The following MMP21 variants were observed in gnomAD, a reference collection of about 807,000 sequenced individuals.
MMP21 encodes the protein matrix metalloproteinase-21.
MMP21 carries 40 observed loss-of-function variants against 47.8 expected under a neutral mutation model. The ratio of observed to expected loss-of-function variants is 0.84; its 90% CI spans 0.65 to 1.09. The LOEUF is 1.09. Among genes scored for constraint, MMP21 ranks in the 50% least tolerant of loss-of-function variants. The probability of loss-of-function intolerance (pLI) is 0.00; values close to 1 mark genes in which losing one functional copy is unlikely to be tolerated. For synonymous variants in MMP21, 341 were observed against 318.0 expected (o/e 1.07, Z -0.77); for missense variants, 747 against 775.3 (o/e 0.96, Z 0.43).
rs564984415 is a variant in MMP21, at chr10:125,770,397, G to T, written c.1174C>A (p.His392Asn). ...ATGTGAACAAAGGCATCTATGTTGT[G>T]TGTTGGGATTCCAGGCCAGCCAGTG... ...ILTGWPGIPT[H>N]NIDAFVHIWT... Residue 392 changes from histidine to asparagine, a missense_variant, in exon 5 of 7, where the codon CAC (histidine) becomes AAC (asparagine). Transcript: ENST00000368808. 1 of 1,614,200 alleles carries T rather than the reference G, an allele frequency of 6.2e-7. No homozygotes were observed. Among genetic ancestry groups the T allele is most frequent in the Middle Eastern group, 1.6e-4 (1 of 6,062 alleles).
chr10:125,769,487 G>C (rs565992587), intron 5 of MMP21, among the ~76,000 whole-genome samples: 1 of 152,304 alleles, frequency 6.6e-6, no homozygotes, highest in East Asian at 1.9e-4. Context: ...TCACAGCTCT[G>C]TGGCTTTTTC....
Position 125,770,515 on chromosome 10 carries a change from C to G in MMP21, c.1056G>C (p.Val352=). Residue 352 remains valine (V), a synonymous_variant, in exon 5 of 7, where the codon GTG becomes GTC. Transcript: ENST00000368808. ...TACGGAAGAAATATGTGCTAAATCT[C>G]ACCATCACCTCTCCATATTGGTTTC... The part of the protein sequence containing the change: ...KERNQYGEVM[V]RFSTYFFRNS... The G allele has an allele frequency of 6.2e-7, 1 of 1,614,118 alleles. No individual in the cohort carries two copies. Among genetic ancestry groups the G allele is most frequent in the East Asian group, 2.2e-5 (1 of 44,872 alleles).
At position 125,766,671 on chromosome 10, in the gene MMP21, C is replaced by A; in HGVS notation, c.1701G>T (p.Leu567=). The stretch of plus-strand genomic sequence containing the variant: ...TTCCTACTTTTTCTTATTACATGTT[C>A]AGTGTGGAGATATGGACGTCACAAA... ...FDVCDVHIST[L]NM Residue 567 remains leucine (L), a synonymous_variant, in exon 7 of 7, where the codon CTG becomes CTT. Transcript: ENST00000368808. 6.3e-7 allele frequency: 1 copy of A among 1,599,942 alleles called. No individual in the cohort carries two copies. Among genetic ancestry groups the A allele is most frequent in the South Asian group, 1.1e-5 (1 of 88,032 alleles).
Position 125,767,552 on chromosome 10 carries a change from A to G in MMP21, c.1390T>C (p.Tyr464His), listed in dbSNP as rs774314631. The stretch of plus-strand genomic sequence containing the variant: ...CTTACAAGGGACTCCTTGAAGAAGT[A>G]AATTAACTTCTGTCTTCGGTCATAA... ...AFYDRRQKLI[Y>H]FFKESLVFAF... The change falls in exon 6 of 7, where the codon TAC (tyrosine) becomes CAC (histidine). Residue 464 changes from tyrosine to histidine, a missense_variant. Tyr to His is a moderately conservative substitution (Grantham distance 83, BLOSUM62 2). Coordinates refer to ENST00000368808, the MANE Select transcript of MMP21 (RefSeq NM_147191.1). 1 of 1,614,130 alleles carries G rather than the reference A, an allele frequency of 6.2e-7. No homozygotes were observed. Among genetic ancestry groups the G allele is most frequent in the East Asian group, 2.2e-5 (1 of 44,888 alleles).
chr10:125,767,485 A>G (rs374615547), intron 6 of MMP21, 47 bp downstream of exon 6: 35 of 1,557,190 alleles, frequency 2.2e-5, no homozygotes, highest in Admixed American at 1.6e-4. Flanking sequence ...ACGAATCTCT[A>G]TTAGGGATGA....
In MMP21 at chr10:125,766,636, G is replaced by A. The variant is rs1200989859; in HGVS notation, c.*26C>T. On this transcript the variant is annotated 3_prime_UTR_variant, in exon 7 of 7. Coordinates refer to ENST00000368808, the MANE Select transcript of MMP21 (RefSeq NM_147191.1). ...TATCAGAATTTTAGCGAAGTCCTAT[G>A]ACCCTCCATTTCCTACTTTTTCTTA... 2.6e-6 allele frequency: 4 copies of A among 1,553,422 alleles called. No individual in the cohort carries two copies. The African/African-American group carries it at 5.5e-5, about 21-fold the overall frequency.
intron 5 of MMP21, among the ~76,000 whole-genome samples, 190 bp from the exon 6 acceptor site, chr10:125,767,894 C>T (rs1347475595): frequency 1.3e-5 from 2 of 152,188 alleles, no homozygotes; most frequent in African/African-American, 4.8e-5. Context: ...ATTACTCTTA[C>T]ATTTAACCCA....
Position 125,774,116 on chromosome 10 carries a change from G to A in MMP21, c.412C>T (p.Pro138Ser), listed in dbSNP as rs1468998798. ...GGGGAGCGCCTGGAGCGGGCTCTGG[G>A]GGGCGGGCCCGGGGGCGAAGGCGGG... ...SAPPSPPGPP[P>S]RARSRRSPRA... Residue 138 changes from proline (P) to serine (S), a missense_variant, in exon 2 of 7, where the codon CCC becomes TCC. By Grantham distance (74) the Pro-to-Ser change is moderately conservative (BLOSUM62 -1). Transcript: ENST00000368808. The A allele has an allele frequency of 3.8e-6, 5 of 1,315,796 alleles. No individual in the cohort carries two copies. In the Admixed American group the frequency reaches 1.3e-4, roughly 33 times the overall value. 81.5% of individuals were successfully genotyped at this position (1,315,796 alleles called of 1,614,324 possible). A position where few individuals can be genotyped will look rare whatever the true frequency, so the allele number is the denominator to read the frequency against.
chr10:125,773,875 G>C lies in MMP21; in HGVS notation c.653C>G (p.Ala218Gly). The C allele has an allele frequency of 1.3e-6, 2 of 1,571,116 alleles. No individual in the cohort carries two copies. The highest frequency in any genetic ancestry group is 1.7e-6 in the Non-Finnish European group (2 of 1,165,774). ...VTPLDFREDLAAPGAAVDIKL... is the reference protein window; with the variant it reads ...VTPLDFREDLGAPGAAVDIKL... The stretch of plus-strand genomic sequence containing the variant: ...GATGTCGACCGCGGCCCCGGGGGCG[G>C]CCAGGTCCTCGCGGAAGTCCAGCGG... The change falls in exon 2 of 7, where the codon GCC (alanine) becomes GGC (glycine). Residue 218 changes from alanine (A) to glycine (G), a missense_variant. By Grantham distance (60) the Ala-to-Gly change is moderately conservative. Transcript: ENST00000368808. The surrounding 1 kb of genome is among the most constrained non-coding windows in gnomAD (Gnocchi z 4.8).
Position 125,772,072 on chromosome 10 carries a change from AG to A in MMP21, c.979+145del. The A allele has an allele frequency of 1.1e-6, 1 of 910,386 alleles. No individual in the cohort carries two copies. The highest frequency in any genetic ancestry group is 1.7e-5 in the South Asian group (1 of 60,428). The allele number at this position is 910,386 out of a possible 1,614,324, so 56.4% of individuals were successfully genotyped here. A position where few individuals can be genotyped will look rare whatever the true frequency, so the allele number is the denominator to read the frequency against. On this transcript the variant is annotated intron_variant, in intron 4 of 6. Coordinates refer to ENST00000368808, the MANE Select transcript of MMP21 (RefSeq NM_147191.1). The surrounding 1 kb of genome is among the most constrained non-coding windows in gnomAD (Gnocchi z 5.6). The stretch of plus-strand genomic sequence containing the variant: ...ACTGAGAGAATGGCATCAGGGAGCT[AG>A]AGGGTGGCTACCCTTGGGTGACATG...
At chr10:125,774,477 G>A in intron 1 of MMP21, 112 bp from the exon 2 acceptor site, 1 of 638,152 alleles carries the variant, frequency 1.6e-6, no homozygotes, top group African/African-American at 1.9e-5. Flanking sequence ...CAGAGACAGA[G>A]AGAAGCAGAG....
Position 125,774,052 on chromosome 10 carries a change from G to T in MMP21, c.476C>A (p.Pro159His). The T allele has an allele frequency of 6.8e-7, 1 of 1,462,020 alleles. No individual in the cohort carries two copies. The highest frequency in any genetic ancestry group is 1.3e-5 in the South Asian group (1 of 75,888). The allele number at this position is 1,462,020 out of a possible 1,614,324, so 90.6% of individuals were successfully genotyped here. ...PLSLSRRGWQ[P>H]RGYPDGGAAQ... ...AGCTCCGCCGTCGGGGTAGCCCCGG[G>T]GCTGCCAACCCCGCCGGGACAAGGA... The change falls in exon 2 of 7, where the codon CCC becomes CAC. Residue 159 changes from proline (P) to histidine (H), a missense_variant. Transcript: ENST00000368808.
intron 6 of MMP21, 119 bp from the exon 7 acceptor site, chr10:125,767,080 T>C (rs1275010095): frequency 2.4e-6 from 2 of 834,438 alleles, no homozygotes; most frequent in East Asian, 2.7e-5. Flanking sequence ...CTTGAACTTC[T>C]TAATTTTCCA....
chr10:125,771,038 A>G (rs968362011), intron 4 of MMP21, among the ~76,000 whole-genome samples: 4 of 152,026 alleles, frequency 2.6e-5, no homozygotes, highest in Non-Finnish European at 5.9e-5. Flanking sequence ...TTGAAAAGAA[A>G]AAAAAACAGA....
intron 1 of MMP21, 132 bp downstream of exon 1, chr10:125,775,528 G>A: frequency 8.2e-7 from 1 of 1,213,258 alleles, no homozygotes; most frequent in Non-Finnish European, 1.1e-6. Flanking sequence ...CTCCCTCTCA[G>A]CCCAGCCTGC....
intron 6 of MMP21, 33 bp from the exon 7 acceptor site, chr10:125,766,994 G>T (rs755248912): frequency 1.3e-6 from 2 of 1,501,264 alleles, no homozygotes; most frequent in East Asian, 2.3e-5. Flanking sequence ...TGGCTCTTCT[G>T]AAAATTATTA....
chr10:125,766,605 A>G lies in MMP21; in HGVS notation c.*57T>C, dbSNP rs937736581. 4.2e-6 allele frequency: 6 copies of G among 1,423,484 alleles called. No individual in the cohort carries two copies. The highest frequency in any genetic ancestry group is 5.6e-6 in the Non-Finnish European group (6 of 1,063,856). 88.2% of individuals were successfully genotyped at this position (1,423,484 alleles called of 1,614,324 possible). A position where few individuals can be genotyped will look rare whatever the true frequency, so the allele number is the denominator to read the frequency against. On this transcript the variant is annotated 3_prime_UTR_variant, in exon 7 of 7. Transcript: ENST00000368808. ...CTACTGAAAATCCGGTTTTCTTTGT[A>G]AACAGTATCAGAATTTTAGCGAAGT...
chr10:125,772,488 C>T lies in MMP21; in HGVS notation c.837+123G>A. 6.4e-7 allele frequency: 1 copy of T among 1,566,700 alleles called. No homozygotes were observed. Among genetic ancestry groups the T allele is most frequent in the Non-Finnish European group, 8.7e-7 (1 of 1,145,580 alleles). ...GGGGAGCACCGGTGGAACTGGGGAG[C>T]CATTCCACGGATTCACCTCCTCAGA... On this transcript the variant is annotated intron_variant, in intron 3 of 6. Coordinates refer to ENST00000368808, the MANE Select transcript of MMP21 (RefSeq NM_147191.1). This position sits in a 1 kb window ranked among gnomAD's most constrained non-coding sequence, Gnocchi z 5.6.
chr10:125,770,137 C>T (rs1388209951), intron 5 of MMP21, among the ~76,000 whole-genome samples, 197 bp downstream of exon 5: 2 of 152,102 alleles, frequency 1.3e-5, no homozygotes, highest in Non-Finnish European at 2.9e-5. Context: ...AACAGTGAAA[C>T]TCTGTCTCAG....
Sources: allele counts gnomAD v4.1 joint callset (sites outside exome capture counted in the v4.1 genomes callset), GRCh38; gene constraint gnomAD v4.1.1; non-coding constraint Gnocchi (gnomAD v3.1); transcripts MANE v1.5; gene names NCBI Gene and HGNC (gene_info 2026-07-23, HGNC 2026-07-21).